The following JAZF1 variants were observed in gnomAD, a reference collection of about 807,000 sequenced individuals.
The protein encoded by JAZF1 is juxtaposed with another zinc finger protein 1.
A neutral mutation model predicts 26.4 loss-of-function variants in JAZF1; 8 were observed. The observed-to-expected ratio is 0.30, with a 90% confidence interval of 0.18 to 0.55. The LOEUF (loss-of-function observed/expected upper bound fraction) is 0.55, where lower values mean the gene tolerates loss of function less well. Ranked by LOEUF, JAZF1 falls within the 20% of genes least tolerant of loss-of-function variation. JAZF1 has a pLI of 0.94. For missense variants in JAZF1, 199 were observed against 322.0 expected (o/e 0.62, Z 2.92); for synonymous variants, 126 against 122.3 (o/e 1.03, Z -0.20).
At chr7:27,963,197 C>A (rs1348758782) in intron 2 of JAZF1, among the ~76,000 whole-genome samples, 1 of 152,208 alleles carries the variant, frequency 6.6e-6, no homozygotes. Context: ...ATTTGGCATA[C>A]AGCATTCTGC....
intron 1 of JAZF1, among the ~76,000 whole-genome samples, chr7:28,027,126 C>T (rs555897806): frequency 6.4e-4 from 98 of 152,332 alleles, no homozygotes; most frequent in African/African-American, 2.1e-3. Flanking sequence ...CCCCTTCTCC[C>T]ATCCCTGGAG....
chr7:27,850,243 G>A (rs180703792), intron 3 of JAZF1, among the ~76,000 whole-genome samples: 236 of 152,304 alleles, frequency 1.5e-3, no homozygotes, highest in Middle Eastern at 0.01. Flanking sequence ...TATAGGAGCT[G>A]AAGCAACAAG....
intron 1 of JAZF1, among the ~76,000 whole-genome samples, chr7:28,070,234 A>T (rs1783955506): frequency 6.6e-6 from 1 of 152,186 alleles, no homozygotes; most frequent in African/African-American, 2.4e-5. Flanking sequence ...TTCTTTCTTC[A>T]AGACTTCATG....
At chr7:28,119,329 C>A (rs61469546) in intron 1 of JAZF1, among the ~76,000 whole-genome samples, 1,854 of 152,092 alleles carry the variant, frequency 0.012, 35 homozygotes, top group African/African-American at 0.04. Flanking sequence ...CATTAATACC[C>A]GCTGCCCCTC....
chr7:27,958,479 ACAG>A (rs1019113290), intron 2 of JAZF1, among the ~76,000 whole-genome samples: 1 of 152,202 alleles, frequency 6.6e-6, no homozygotes, highest in African/African-American at 2.4e-5. Context: ...GGAAACCTTG[ACAG>A]CAGTCTAATA....
chr7:28,055,988 T>C (rs1486966562), intron 1 of JAZF1, among the ~76,000 whole-genome samples: 2 of 152,182 alleles, frequency 1.3e-5, no homozygotes, highest in Admixed American at 6.5e-5. Flanking sequence ...GGTGCTTATC[T>C]TCTGCCTGAT....
chr7:27,842,461 A>G (rs1469408361), intron 3 of JAZF1: 1 of 152,044 alleles, frequency 6.6e-6, no homozygotes, highest in East Asian at 1.9e-4. Context: ...TGGAATTCGA[A>G]GCAGTCTGTT....
chr7:27,943,135 G>T (rs1784873793), intron 2 of JAZF1, among the ~76,000 whole-genome samples: 1 of 152,170 alleles, frequency 6.6e-6, no homozygotes, highest in African/African-American at 2.4e-5. Context: ...ATAACTGGAG[G>T]CAACATCCTC....
intron 1 of JAZF1, among the ~76,000 whole-genome samples, chr7:28,008,222 ATTAT>A (rs552118549): frequency 2.0e-4 from 30 of 149,518 alleles, no homozygotes; most frequent in Admixed American, 7.3e-4. Flanking sequence ...TTTAAAATTA[ATTAT>A]TATTATTTTT....
intron 2 of JAZF1, chr7:27,913,360 A>G (rs1784393597): frequency 2.2e-6 from 1 of 458,210 alleles, no homozygotes; most frequent in African/African-American, 2.0e-5. Context: ...AGGGAGGAAG[A>G]AAAAAACAAC....
chr7:28,083,840 T>C (rs767860660), intron 1 of JAZF1, among the ~76,000 whole-genome samples: 8 of 151,684 alleles, frequency 5.3e-5, no homozygotes, highest in South Asian at 2.1e-4. Flanking sequence ...TGTTGCAACA[T>C]TGTCTTACCC....
intron 3 of JAZF1, among the ~76,000 whole-genome samples, chr7:27,882,170 G>T (rs1783782974): frequency 6.6e-6 from 1 of 151,804 alleles, no homozygotes; most frequent in South Asian, 2.1e-4. Flanking sequence ...GAAGAATTGG[G>T]GTACTGAGAT....
chr7:27,978,960 G>T (rs1375067142), intron 2 of JAZF1, among the ~76,000 whole-genome samples: 1 of 151,954 alleles, frequency 6.6e-6, no homozygotes, highest in African/African-American at 2.4e-5. Context: ...GAGTGCATGT[G>T]AAACTGGTGA....
chr7:27,849,897 C>A (rs1783111670), intron 3 of JAZF1, among the ~76,000 whole-genome samples: 1 of 152,192 alleles, frequency 6.6e-6, no homozygotes, highest in African/African-American at 2.4e-5. Flanking sequence ...ATCTTGCCCA[C>A]TCTCCTCGAA....
chr7:27,875,436 CCT>C (rs144402624), intron 3 of JAZF1, among the ~76,000 whole-genome samples: 2,328 of 152,248 alleles, frequency 0.015, 57 homozygotes, highest in African/African-American at 0.053. Flanking sequence ...ATGACATTCC[CCT>C]GTTTAAAACC....
chr7:28,081,785 AG>A (rs1784141326), intron 1 of JAZF1, among the ~76,000 whole-genome samples: 1 of 152,218 alleles, frequency 6.6e-6, no homozygotes, highest in Non-Finnish European at 1.5e-5. Context: ...TTCCAGAGAG[AG>A]AAAAAAATTA....
intron 3 of JAZF1, among the ~76,000 whole-genome samples, chr7:27,849,547 C>G (rs33997146): frequency 9.4e-4 from 143 of 152,062 alleles, no homozygotes; most frequent in Admixed American, 1.9e-3. Context: ...GTGGTGGGAA[C>G]CTGGGGCAGG....
At chr7:27,845,980 C>T (rs1205830348) in intron 3 of JAZF1, among the ~76,000 whole-genome samples, 1 of 151,996 alleles carries the variant, frequency 6.6e-6, no homozygotes, top group Non-Finnish European at 1.5e-5. Flanking sequence ...CAGAAAAAAC[C>T]CGTTATGTGC....
intron 2 of JAZF1, among the ~76,000 whole-genome samples, chr7:27,938,296 TG>T (rs1034732864): frequency 1.2e-4 from 19 of 152,250 alleles, no homozygotes; most frequent in African/African-American, 4.6e-4. Flanking sequence ...GAGCATGGTT[TG>T]TTTTGTTCTT....
Sources: gnomAD v4.1 joint callset for allele counts (sites outside exome capture counted in the v4.1 genomes callset) on GRCh38, gnomAD v4.1.1 for gene constraint, MANE v1.5 for transcripts, NCBI Gene and HGNC (gene_info 2026-07-23, HGNC 2026-07-21) for gene names.